The following PNPLA7 variants were observed in gnomAD, a reference collection of about 807,000 sequenced individuals.
PNPLA7 encodes patatin like domain 7, lysophospholipase, also known as patatin-like phospholipase domain-containing protein 7.
Under a neutral mutation model 161.7 loss-of-function variants are expected in PNPLA7, and 153 were observed. The ratio of observed to expected loss-of-function variants is 0.95; its 90% CI spans 0.83 to 1.08. The LOEUF (loss-of-function observed/expected upper bound fraction) is 1.08, where lower values mean the gene tolerates loss of function less well. PNPLA7 is among the 50% of genes least tolerant of loss of function. PNPLA7 has a pLI of 0.00. For missense variants in PNPLA7, 1,739 were observed against 1,856.6 expected, an observed-to-expected ratio of 0.94 and a Z score of 1.16; for synonymous variants, 809 against 782.1, an observed-to-expected ratio of 1.03 and a Z score of -0.57.
At chr9:137,527,615 T>C (rs961182119) in intron 8 of PNPLA7, among the ~76,000 whole-genome samples, 2 of 152,342 alleles carry the variant, frequency 1.3e-5, no homozygotes, top group East Asian at 3.8e-4. Context: ...CTGATCATGA[T>C]GTATTATCCT....
rs551869646 is a variant in PNPLA7, at chr9:137,532,012, T to C, written c.747+8630A>G. 7.2e-5 allele frequency among the ~76,000 whole-genome samples: 11 copies of C among 152,288 alleles called. No individual in the cohort carries two copies. The East Asian group carries it at 2.1e-3, about 29-fold the overall frequency. On this transcript the variant is annotated intron_variant, in intron 8 of 34. Transcript: ENST00000406427. ...GAACTACGAGGCTCAGCAATCTCCT[T>C]TCCTCTCCCGAACAGCCAGGACTAT...
intron 7 of PNPLA7, among the ~76,000 whole-genome samples, chr9:137,542,168 A>G (rs1453690791): frequency 3.9e-5 from 6 of 152,226 alleles, no homozygotes. Context: ...GAGGACTTGG[A>G]AGATACATTT....
chr9:137,487,580 C>G (rs928448726), intron 20 of PNPLA7, among the ~76,000 whole-genome samples: 11 of 152,240 alleles, frequency 7.2e-5, no homozygotes, highest in African/African-American at 2.7e-4. Flanking sequence ...TCATCTCGTG[C>G]CTGGGGGCTC....
At chr9:137,512,851 T>C (rs1188838888) in intron 12 of PNPLA7, among the ~76,000 whole-genome samples, 1 of 150,726 alleles carries the variant, frequency 6.6e-6, no homozygotes, top group South Asian at 2.1e-4. Flanking sequence ...TACTCCCAAC[T>C]ACTCAGGAGG....
chr9:137,535,457 T>C (rs1835830464), intron 8 of PNPLA7, among the ~76,000 whole-genome samples: 1 of 152,150 alleles, frequency 6.6e-6, no homozygotes, highest in African/African-American at 2.4e-5. Flanking sequence ...GATACTTTTT[T>C]AAAAAGAACA....
intron 25 of PNPLA7, among the ~76,000 whole-genome samples, chr9:137,469,283 T>C (rs1831610886): frequency 6.6e-6 from 1 of 152,156 alleles, no homozygotes; most frequent in African/African-American, 2.4e-5. Context: ...TGTAACAATA[T>C]TGTTTTACAA....
rs1833338260 is a variant in PNPLA7 at position 137,500,593 on chromosome 9, G to C, written c.1757+98C>G. The C allele has an allele frequency of 4.4e-6, 5 of 1,126,152 alleles. No homozygotes were observed. In the East Asian group the frequency reaches 9.8e-5, roughly 22 times the overall value. The allele number at this position is 1,126,152 out of a possible 1,614,324, so 69.8% of individuals were successfully genotyped here. A position where few individuals can be genotyped will look rare whatever the true frequency, so the allele number is the denominator to read the frequency against. On this transcript the variant is annotated intron_variant, in intron 16 of 34. Coordinates refer to ENST00000406427, the MANE Select transcript of PNPLA7 (RefSeq NM_001098537.3). The surrounding 1 kb of genome is among the most constrained non-coding windows in gnomAD (Gnocchi z 5.5). Reference sequence around the variant, plus strand: ...AGAGGGGAGCCCGAGAAGCAGGGAAGAGGGTGAGAGCACCAGGAAGAGGCC... The same window carrying C: ...AGAGGGGAGCCCGAGAAGCAGGGAACAGGGTGAGAGCACCAGGAAGAGGCC...
chr9:137,535,167 T>C (rs1298216762), intron 8 of PNPLA7, among the ~76,000 whole-genome samples: 2 of 151,954 alleles, frequency 1.3e-5, no homozygotes, highest in African/African-American at 4.9e-5. Context: ...TGAGTGAAAT[T>C]ACACAGTGTG....
rs1832734280 is a variant in PNPLA7 at position 137,490,979 on chromosome 9, A to G, written c.2197+2034T>C. On this transcript the variant is annotated intron_variant, in intron 20 of 34. Transcript: ENST00000406427. This position sits in a 1 kb window ranked among gnomAD's most constrained non-coding sequence, Gnocchi z 4.1. ...GATGTGGCTGTCAGTAGACAAGGAT[A>G]AGTTAGGTATGGATAACGTCATCGC... Among the ~76,000 whole-genome samples, 1 of 152,222 alleles carries G rather than the reference A, an allele frequency of 6.6e-6. No individual in the cohort carries two copies. Among genetic ancestry groups the G allele is most frequent in the South Asian group, 2.1e-4 (1 of 4,824 alleles).
chr9:137,477,944 G>T, intron 25 of PNPLA7, 90 bp downstream of exon 25: 1 of 1,084,096 alleles, frequency 9.2e-7, no homozygotes, highest in Non-Finnish European at 1.2e-6. Context: ...GACACCCCCT[G>T]TCCCCCGCAC....
rs1564315702 is a variant in PNPLA7, at chr9:137,499,319, C to A, written c.1758-1074G>T. 6.6e-6 allele frequency among the ~76,000 whole-genome samples: 1 copy of A among 151,298 alleles called. No individual in the cohort carries two copies. The highest frequency in any genetic ancestry group is 1.5e-5 in the Non-Finnish European group (1 of 67,878). On this transcript the variant is annotated intron_variant, in intron 16 of 34. Coordinates refer to ENST00000406427, the MANE Select transcript of PNPLA7 (RefSeq NM_001098537.3). This position sits in a 1 kb window ranked among gnomAD's most constrained non-coding sequence, Gnocchi z 5.5. ...GGACACATGCAGACACATGGAGACACACAGAGACACACGCAGACACACGAC... is the reference window on the plus strand; with the variant it reads ...GGACACATGCAGACACATGGAGACAAACAGAGACACACGCAGACACACGAC...
intron 8 of PNPLA7, among the ~76,000 whole-genome samples, chr9:137,536,087 A>T (rs935046349): frequency 6.7e-6 from 1 of 148,898 alleles, no homozygotes; most frequent in Non-Finnish European, 1.5e-5. Flanking sequence ...CAGGAGGCGG[A>T]GCTTGCAGTG....
rs1419447904 is a variant in PNPLA7, at chr9:137,478,171, G to C, written c.2764-19C>G. 7.8e-7 allele frequency: 1 copy of C among 1,282,142 alleles called. No homozygotes were observed. The highest frequency in any genetic ancestry group is 1.5e-5 in the African/African-American group (1 of 64,668). The allele number at this position is 1,282,142 out of a possible 1,614,324, so 79.4% of individuals were successfully genotyped here. The stretch of plus-strand genomic sequence containing the variant: ...TCTCCACCTGGGGGAGGAGCCGTCA[G>C]GCAGGGCTGGTGCAGGGCCCCACCC... On this transcript the variant is annotated intron_variant, in intron 24 of 34. Coordinates refer to ENST00000406427, the MANE Select transcript of PNPLA7 (RefSeq NM_001098537.3).
In PNPLA7 at chr9:137,493,092, G is replaced by C; in HGVS notation, c.2128-10C>G. The C allele has an allele frequency of 6.2e-7, 1 of 1,613,844 alleles. No individual in the cohort carries two copies. Among genetic ancestry groups the C allele is most frequent in the East Asian group, 2.2e-5 (1 of 44,890 alleles). ...TCAGCCGAGTCACCACCTGCGGGCA[G>C]ACACAGGAGCCAAGAGCCACACGTT... On this transcript the variant is annotated splice_polypyrimidine_tract_variant and intron_variant, in intron 19 of 34. Transcript: ENST00000406427.
intron 21 of PNPLA7, 104 bp downstream of exon 21, chr9:137,484,483 C>A (rs993850069): frequency 5.4e-5 from 71 of 1,310,544 alleles, no homozygotes; most frequent in Non-Finnish European, 6.6e-5. Context: ...CTGAGCCCTG[C>A]CCACCCACCG....
rs769702013 is a variant in PNPLA7, at chr9:137,467,207, AG to A, written c.3039+109del. On this transcript the variant is annotated intron_variant, in intron 26 of 34. Transcript: ENST00000406427. The surrounding 1 kb of genome is among the most constrained non-coding windows in gnomAD (Gnocchi z 5.1). ...GAGGCTTCAGGGGGTAGCCTCCTCG[AG>A]GGCAGGGCCCTGCAGAGCCACATGC... 1.4e-6 allele frequency: 2 copies of A among 1,403,480 alleles called. No homozygotes were observed. Among genetic ancestry groups the A allele is most frequent in the Non-Finnish European group, 1.9e-6 (2 of 1,060,164 alleles). 86.9% of individuals were successfully genotyped at this position (1,403,480 alleles called of 1,614,324 possible).
At position 137,480,374 on chromosome 9, in the gene PNPLA7, C is replaced by T. The variant is rs191119649; in HGVS notation, c.2518G>A (p.Val840Met). ...GTLTPWTQRC[V>M]RQADCILIVG... ...ATGAGGATGCAGTCGGCCTGGCGCA[C>T]GCAGCGCTGGGTCCAGGGTGTGAGC... is the stretch of plus-strand genomic sequence containing the variant. Residue 840 changes from valine to methionine, a missense_variant, in exon 23 of 35, where the codon GTG becomes ATG. Physicochemically the swap from Val to Met is conservative, Grantham distance 21. Coordinates refer to ENST00000406427, the MANE Select transcript of PNPLA7 (RefSeq NM_001098537.3). 1.1e-4 allele frequency: 176 copies of T among 1,613,538 alleles called. No homozygotes were observed. Among genetic ancestry groups the T allele is most frequent in the South Asian group, 5.6e-4 (51 of 91,064 alleles).
At chr9:137,536,747 C>T (rs963920133) in intron 8 of PNPLA7, among the ~76,000 whole-genome samples, 1 of 152,080 alleles carries the variant, frequency 6.6e-6, no homozygotes, top group Non-Finnish European at 1.5e-5. Context: ...GGGCAATCTA[C>T]GGAGCCACAC....
chr9:137,481,769 C>G (rs1353437839), intron 21 of PNPLA7, among the ~76,000 whole-genome samples: 1 of 151,028 alleles, frequency 6.6e-6, no homozygotes, highest in Non-Finnish European at 1.5e-5. Context: ...AACTCCATCT[C>G]TACTAAAAAT....
Sources: allele counts gnomAD v4.1 joint callset (sites outside exome capture counted in the v4.1 genomes callset), GRCh38; gene constraint gnomAD v4.1.1; non-coding constraint Gnocchi (gnomAD v3.1); transcripts MANE v1.5; gene names NCBI Gene and HGNC (gene_info 2026-07-23, HGNC 2026-07-21).